NAV3: variants seen among roughly 807,000 people sequenced by gnomAD.
NAV3 encodes the protein pore membrane and/or filament interacting like protein 1.
A neutral mutation model predicts 244.7 loss-of-function variants in NAV3; 87 were observed. The observed-to-expected ratio is 0.36, with a 90% CI of 0.30 to 0.42. The LOEUF (loss-of-function observed/expected upper bound fraction) is 0.42. Among genes scored for constraint, NAV3 ranks in the 20% least tolerant of loss-of-function variants. The pLI, the probability that NAV3 is intolerant of heterozygous loss-of-function variation, is 1.00. For synonymous variants in NAV3, 1,126 were observed against 1,042.2 expected (o/e 1.08, Z -1.55); for missense variants, 2,663 against 2,893.3 (o/e 0.92, Z 1.83).
intron 5 of NAV3, among the ~76,000 whole-genome samples, chr12:77,969,108 T>C (rs143561429): frequency 1.3e-5 from 2 of 151,966 alleles, no homozygotes; most frequent in East Asian, 3.9e-4. Context: ...CTGTTAAACA[T>C]AGGAGTTTGA....
At chr12:78,169,735 A>G (rs533800463) in intron 24 of NAV3, among the ~76,000 whole-genome samples, 39 of 151,770 alleles carry the variant, frequency 2.6e-4, no homozygotes, top group South Asian at 1.7e-3. Flanking sequence ...CACCAAAACA[A>G]TGCTCTCCAG....
chr12:78,145,446 A>G (rs1214195704), intron 20 of NAV3, among the ~76,000 whole-genome samples: 1 of 152,204 alleles, frequency 6.6e-6, no homozygotes, highest in Non-Finnish European at 1.5e-5. Flanking sequence ...CTATACCAAA[A>G]GTAGACATAG....
At chr12:78,191,463 A>ACACACAT (rs1958976556) in intron 34 of NAV3, among the ~76,000 whole-genome samples, 1 of 152,194 alleles carries the variant, frequency 6.6e-6, no homozygotes, top group Non-Finnish European at 1.5e-5. Flanking sequence ...AACCACACAC[A>ACACACAT]CACACATCTT....
At position 77,688,372 on chromosome 12, in the gene NAV3, T is replaced by C. The variant is rs142948020; in HGVS notation, c.72+116106T>C. Among the ~76,000 whole-genome samples, 601 of 152,156 alleles carry C rather than the reference T, an allele frequency of 3.9e-3. 3 individuals are homozygous for C. The highest frequency in any genetic ancestry group is 6.8e-3 in the Non-Finnish European group (460 of 67,922). On this transcript the variant is annotated intron_variant, in intron 2 of 8. Transcript: ENST00000550042. ...CACATTCTACCCTATGCCACTTCTT[T>C]CTTAATATTTTGATTACTTTTTTAT... is the stretch of plus-strand genomic sequence containing the variant.
At chr12:78,196,593 A>C (rs1032966761) in intron 34 of NAV3, among the ~76,000 whole-genome samples, 4 of 152,054 alleles carry the variant, frequency 2.6e-5, no homozygotes, top group Non-Finnish European at 5.9e-5. Context: ...TATTTAGATT[A>C]AAAGCTATTA....
At chr12:77,738,720 A>G (rs529274660) in intron 2 of NAV3, among the ~76,000 whole-genome samples, 4 of 152,316 alleles carry the variant, frequency 2.6e-5, no homozygotes, top group Non-Finnish European at 5.9e-5. Context: ...GGTTAAGACT[A>G]CAGGTTCTGG....
Position 78,127,241 on chromosome 12 carries a change from TCTG to T in NAV3, c.4280+34_4280+36del, listed in dbSNP as rs746086299. 3 of 1,598,582 alleles carry T rather than the reference TCTG, an allele frequency of 1.9e-6. No individual in the cohort carries two copies. In the South Asian group the frequency reaches 3.3e-5, roughly 18 times the overall value. ...TTCCTCTCAGCACAATTGCTACCTC[TCTG>T]TTGTTATGTAAACTTTGTGTGCTGT... On this transcript the variant is annotated intron_variant, in intron 17 of 39. Coordinates refer to ENST00000397909, the MANE Select transcript of NAV3 (RefSeq NM_001024383.2).
At chr12:77,880,726 C>A (rs1286846328) in intron 1 of NAV3, among the ~76,000 whole-genome samples, 5 of 152,096 alleles carry the variant, frequency 3.3e-5, no homozygotes, top group Non-Finnish European at 5.9e-5. Context: ...ATACACAAAG[C>A]TTCCCATGTA....
intron 2 of NAV3, among the ~76,000 whole-genome samples, chr12:77,725,570 G>T (rs1429169345): frequency 6.6e-6 from 1 of 151,716 alleles, no homozygotes; most frequent in East Asian, 1.9e-4. Context: ...GTAAAATAGG[G>T]TGGAAATCAG....
intron 9 of NAV3, among the ~76,000 whole-genome samples, chr12:78,041,277 T>A (rs902586626): frequency 6.6e-6 from 1 of 152,194 alleles, no homozygotes; most frequent in Non-Finnish European, 1.5e-5. Flanking sequence ...GAAATAATGA[T>A]CTTATTATTA....
intron 1 of NAV3, among the ~76,000 whole-genome samples, chr12:77,845,746 T>A (rs1159978565): frequency 6.6e-6 from 1 of 151,156 alleles, no homozygotes; most frequent in Non-Finnish European, 1.5e-5. Context: ...ATCCGCCTCC[T>A]GGGTTCAAGT....
chr12:77,890,439 A>G (rs1883799108), intron 1 of NAV3, among the ~76,000 whole-genome samples: 1 of 151,986 alleles, frequency 6.6e-6, no homozygotes, highest in African/African-American at 2.4e-5. Flanking sequence ...TGATGAATGC[A>G]TTTCCTGAGG....
At chr12:78,192,383 ATTTTTTATTATTTTATT>A (rs1283411040) in intron 34 of NAV3, among the ~76,000 whole-genome samples, 6 of 150,964 alleles carry the variant, frequency 4.0e-5, no homozygotes, top group Non-Finnish European at 8.9e-5. Context: ...TTATTTTTTT[ATTTTTTATTATTTTATT>A]TTATTTTTAT....
intron 2 of NAV3, among the ~76,000 whole-genome samples, chr12:77,787,973 C>CA (rs1870985173): frequency 1.3e-5 from 2 of 152,038 alleles, no homozygotes; most frequent in Admixed American, 1.3e-4. Flanking sequence ...TGGAAACAAA[C>CA]AAAAAAGGTG....
intron 1 of NAV3, among the ~76,000 whole-genome samples, chr12:77,926,065 A>G (rs1477575529): frequency 1.3e-5 from 2 of 152,144 alleles, no homozygotes; most frequent in Non-Finnish European, 2.9e-5. Context: ...CTCCCTGTCA[A>G]CTGATGGCTG....
chr12:77,808,868 C>T (rs376584758), intron 2 of NAV3, among the ~76,000 whole-genome samples: 3 of 152,296 alleles, frequency 2.0e-5, no homozygotes, highest in South Asian at 2.1e-4. Flanking sequence ...TCAGATATGC[C>T]GTCTCAGAGA....
chr12:77,791,277 C>G (rs560614103), intron 2 of NAV3, among the ~76,000 whole-genome samples: 61 of 151,628 alleles, frequency 4.0e-4, no homozygotes, highest in African/African-American at 1.4e-3. Flanking sequence ...TTGCTTGAAC[C>G]CGGGAGGTGG....
intron 1 of NAV3, among the ~76,000 whole-genome samples, chr12:77,883,508 T>G (rs1882919467): frequency 6.6e-6 from 1 of 151,738 alleles, no homozygotes; most frequent in South Asian, 2.1e-4. Context: ...ACTACATGAG[T>G]GATGGGTCCA....
At chr12:77,577,799 T>C (rs1476404572) in intron 2 of NAV3, among the ~76,000 whole-genome samples, 3 of 152,186 alleles carry the variant, frequency 2.0e-5, no homozygotes, top group Non-Finnish European at 2.9e-5. Flanking sequence ...TCTGTCTTGA[T>C]ACTAACATGT....
Sources: gnomAD v4.1 joint callset for allele counts (sites outside exome capture counted in the v4.1 genomes callset) on GRCh38, gnomAD v4.1.1 for gene constraint, MANE v1.5 for transcripts, NCBI Gene and HGNC (gene_info 2026-07-23, HGNC 2026-07-21) for gene names.